The following PCDHAC2 variants were observed in gnomAD, a reference collection of about 807,000 sequenced individuals.
PCDHAC2 encodes protocadherin alpha subfamily C, 2.
A neutral mutation model predicts 63.3 loss-of-function variants in PCDHAC2; 24 were observed. The observed-to-expected ratio is 0.38, with a 90% confidence interval of 0.27 to 0.53. The LOEUF is 0.53. PCDHAC2 is among the 20% of genes least tolerant of loss of function. The probability of loss-of-function intolerance (pLI) is 0.81; values close to 1 mark genes in which losing one functional copy is unlikely to be tolerated. For missense variants in PCDHAC2, 1,181 were observed against 1,275.2 expected (o/e 0.93, Z 1.12); for synonymous variants, 569 against 529.4 (o/e 1.07, Z -1.03).
rs1053041034 is a variant in PCDHAC2 at position 141,011,123 on chromosome 5, T to G, written c.*1186T>G. ...CTCTCTCTTTTCTAAGAAACAATTA[T>G]GTGCACTTTGATACACAACCTTCTC... is the stretch of plus-strand genomic sequence containing the variant. On this transcript the variant is annotated 3_prime_UTR_variant, in exon 4 of 4. Coordinates refer to ENST00000289269, the MANE Select transcript of PCDHAC2 (RefSeq NM_018899.6). 3 of 153,884 alleles carry G rather than the reference T, an allele frequency of 1.9e-5. No homozygotes were observed. The Admixed American group carries it at 2.0e-4, about 10-fold the overall frequency. The allele number at this position is 153,884 out of a possible 1,614,324, so 9.5% of individuals were successfully genotyped here.
chr5:141,001,130 T>C (rs1233424080), intron 3 of PCDHAC2, among the ~76,000 whole-genome samples: 1 of 152,036 alleles, frequency 6.6e-6, no homozygotes, highest in African/African-American at 2.4e-5. Context: ...CTTAAACAAA[T>C]GAATCTTCTG....
intron 3 of PCDHAC2, among the ~76,000 whole-genome samples, chr5:140,984,768 G>A (rs569046665): frequency 7.2e-5 from 11 of 152,172 alleles, no homozygotes; most frequent in African/African-American, 2.4e-4. Flanking sequence ...CTAATCCCAA[G>A]CTTACTTGCT....
At chr5:141,005,422 A>G (rs1383654342) in intron 3 of PCDHAC2, among the ~76,000 whole-genome samples, 3 of 152,132 alleles carry the variant, frequency 2.0e-5, no homozygotes, top group African/African-American at 7.2e-5. Flanking sequence ...AGTCATGCTA[A>G]GAATGGATGA....
intron 1 of PCDHAC2, among the ~76,000 whole-genome samples, chr5:140,977,448 C>G (rs1265708365): frequency 6.6e-6 from 1 of 152,212 alleles, no homozygotes; most frequent in African/African-American, 2.4e-5. Flanking sequence ...ATAATGGAAA[C>G]TCCTTTGATT....
chr5:141,005,563 A>G (rs938722871), intron 3 of PCDHAC2, among the ~76,000 whole-genome samples: 4 of 151,458 alleles, frequency 2.6e-5, no homozygotes, highest in East Asian at 1.9e-4. Context: ...TTAGCCGGGC[A>G]TGGTGGCGCG....
chr5:140,997,384 A>T (rs2097769179), intron 3 of PCDHAC2, among the ~76,000 whole-genome samples: 1 of 152,198 alleles, frequency 6.6e-6, no homozygotes, highest in South Asian at 2.1e-4. Context: ...AGCATACTAC[A>T]CACTTAGGCT....
In PCDHAC2 at chr5:140,966,818, C is replaced by T; in HGVS notation, c.52C>T (p.Arg18Trp). The part of the protein sequence containing the change: ...PAATEHPRLR[R>W]PMPWLLLLPL... ...GGCGACAGAGCATCCACGGCTCCGGCGGCCCATGCCCTGGCTGCTGCTACT... is the reference window on the plus strand; with the variant it reads ...GGCGACAGAGCATCCACGGCTCCGGTGGCCCATGCCCTGGCTGCTGCTACT... The change falls in exon 1 of 4, where the codon CGG (arginine) becomes TGG (tryptophan). Residue 18 changes from arginine (R) to tryptophan (W), a missense_variant. Coordinates refer to ENST00000289269, the MANE Select transcript of PCDHAC2 (RefSeq NM_018899.6). 1 of 1,554,294 alleles carries T rather than the reference C, an allele frequency of 6.4e-7. No individual in the cohort carries two copies. The highest frequency in any genetic ancestry group is 1.9e-5 in the Admixed American group (1 of 52,980).
In PCDHAC2 at chr5:140,966,480, TC is replaced by T; in HGVS notation, c.-284del. 2.3e-6 allele frequency: 1 copy of T among 431,902 alleles called. No homozygotes were observed. Among genetic ancestry groups the T allele is most frequent in the Admixed American group, 4.4e-5 (1 of 22,922 alleles). The allele number at this position is 431,902 out of a possible 1,614,324, so 26.8% of individuals were successfully genotyped here. A position where few individuals can be genotyped will look rare whatever the true frequency, so the allele number is the denominator to read the frequency against. On this transcript the variant is annotated 5_prime_UTR_variant, in exon 1 of 4. Coordinates refer to ENST00000289269, the MANE Select transcript of PCDHAC2 (RefSeq NM_018899.6). Reference sequence around the variant, plus strand: ...CTCTGTCTTCCCTTCTGTTTCCTTTTCCCTCCCCCTGGAGCTGTAGCGGCAG... The same window carrying T: ...CTCTGTCTTCCCTTCTGTTTCCTTTTCCTCCCCCTGGAGCTGTAGCGGCAG...
intron 3 of PCDHAC2, among the ~76,000 whole-genome samples, chr5:140,988,691 G>A (rs1205492528): frequency 6.6e-6 from 1 of 152,114 alleles, no homozygotes; most frequent in African/African-American, 2.4e-5. Context: ...TTCCCTAGAC[G>A]CTCTGTATTT....
chr5:141,009,772 C>T lies in PCDHAC2; in HGVS notation c.2859C>T (p.Ile953=). The T allele has an allele frequency of 1.9e-6, 3 of 1,614,158 alleles. No individual in the cohort carries two copies. Among genetic ancestry groups the T allele is most frequent in the Non-Finnish European group, 2.5e-6 (3 of 1,180,032 alleles). The stretch of plus-strand genomic sequence containing the variant: ...TCATTATCCCAGGATCTCCTGCAAT[C>T]ATCTCCATCCGGCAGGAGCCTACTA... ...DKFIIPGSPA[I]ISIRQEPTNS... Residue 953 remains isoleucine (I), a synonymous_variant, in exon 4 of 4, where the codon ATC becomes ATT. Coordinates refer to ENST00000289269, the MANE Select transcript of PCDHAC2 (RefSeq NM_018899.6).
intron 3 of PCDHAC2, among the ~76,000 whole-genome samples, chr5:140,993,009 G>C (rs1228975075): frequency 3.9e-5 from 6 of 152,172 alleles, no homozygotes; most frequent in Non-Finnish European, 8.8e-5. Flanking sequence ...CCTCCCCAGA[G>C]TCCAGCATCC....
rs1444177179 is a variant in PCDHAC2 at position 140,984,821 on chromosome 5, T to C, written c.2713+2258T>C. On this transcript the variant is annotated intron_variant, in intron 3 of 3. Transcript: ENST00000289269. ...CTGCCTGAATTCATATTTTCTTAAT[T>C]ACCCTTTCTGTAAATTGGGTGTAGT... Among the ~76,000 whole-genome samples, 4 of 152,192 alleles carry C rather than the reference T, an allele frequency of 2.6e-5. No individual in the cohort carries two copies. In the East Asian group the frequency reaches 7.7e-4, roughly 29 times the overall value.
chr5:140,977,564 A>G (rs2096766034), intron 1 of PCDHAC2, among the ~76,000 whole-genome samples: 1 of 152,178 alleles, frequency 6.6e-6, no homozygotes, highest in African/African-American at 2.4e-5. Flanking sequence ...TTGCTAGCAG[A>G]TTGGTAGAAT....
intron 3 of PCDHAC2, among the ~76,000 whole-genome samples, chr5:141,005,808 C>T (rs2153985730): frequency 6.6e-6 from 1 of 150,460 alleles, no homozygotes; most frequent in African/African-American, 2.5e-5. Context: ...CTCCAAGGAG[C>T]CAGGTATGGT....
At chr5:140,999,666 G>A (rs185222092) in intron 3 of PCDHAC2, among the ~76,000 whole-genome samples, 194 of 152,216 alleles carry the variant, frequency 1.3e-3, no homozygotes, top group African/African-American at 4.4e-3. Flanking sequence ...GCTGGGTTGC[G>A]GGGGGCTCAC....
chr5:140,986,073 G>A (rs1428668406), intron 3 of PCDHAC2, among the ~76,000 whole-genome samples: 1 of 152,176 alleles, frequency 6.6e-6, no homozygotes, highest in East Asian at 1.9e-4. Context: ...TAAAGAAACT[G>A]TTCATTTATT....
chr5:140,975,996 C>T (rs923472287), intron 1 of PCDHAC2, among the ~76,000 whole-genome samples: 1 of 152,064 alleles, frequency 6.6e-6, no homozygotes, highest in African/African-American at 2.4e-5. Flanking sequence ...GAGGTACCAT[C>T]TAAGTATTAA....
At chr5:141,002,676 T>C (rs2098090585) in intron 3 of PCDHAC2, among the ~76,000 whole-genome samples, 1 of 152,196 alleles carries the variant, frequency 6.6e-6, no homozygotes, top group Non-Finnish European at 1.5e-5. Context: ...CCAAAACCTA[T>C]ACGACGTGCA....
chr5:140,977,844 G>A (rs2096777589), intron 1 of PCDHAC2, among the ~76,000 whole-genome samples: 1 of 152,136 alleles, frequency 6.6e-6, no homozygotes, highest in Admixed American at 6.5e-5. Context: ...TATTACTATG[G>A]CTTTGTTTCT....
Sources: gnomAD v4.1 joint callset for allele counts (sites outside exome capture counted in the v4.1 genomes callset) on GRCh38, gnomAD v4.1.1 for gene constraint, MANE v1.5 for transcripts, NCBI Gene and HGNC (gene_info 2026-07-23, HGNC 2026-07-21) for gene names.